The following EFL1 variants were observed in gnomAD, a reference collection of about 807,000 sequenced individuals.
EFL1 encodes elongation factor like GTPase 1, also known as elongation factor-like GTPase 1.
EFL1 carries 76 observed loss-of-function variants against 126.7 expected under a neutral mutation model. That is an observed-to-expected ratio of 0.60 (90% CI 0.50 to 0.73). The LOEUF is 0.73. Among genes scored for constraint, EFL1 ranks in the 30% least tolerant of loss-of-function variants. The probability of loss-of-function intolerance (pLI) is 0.00; values close to 1 mark genes in which losing one functional copy is unlikely to be tolerated. For missense variants in EFL1, 1,128 were observed against 1,343.2 expected, an observed-to-expected ratio of 0.84 and a Z score of 2.50; for synonymous variants, 410 against 448.4, an observed-to-expected ratio of 0.91 and a Z score of 1.08.
At chr15:82,252,135 G>A (rs1480432405) in intron 4 of EFL1, among the ~76,000 whole-genome samples, 1 of 152,030 alleles carries the variant, frequency 6.6e-6, no homozygotes, top group Non-Finnish European at 1.5e-5. Context: ...TCACTGCTTG[G>A]ATATATCAGT....
chr15:82,209,881 C>G (rs2074566247), intron 15 of EFL1, among the ~76,000 whole-genome samples: 1 of 152,184 alleles, frequency 6.6e-6, no homozygotes. Flanking sequence ...CGGACTTTGA[C>G]TGAATAATGC....
chr15:82,214,756 G>A lies in EFL1; in HGVS notation c.1711C>T (p.Leu571=). 2 of 1,600,406 alleles carry A rather than the reference G, an allele frequency of 1.2e-6. No homozygotes were observed. Among genetic ancestry groups the A allele is most frequent in the Non-Finnish European group, 8.5e-7 (1 of 1,172,372 alleles). ...ENLYLLMGRE[L]EYLEEVPPGN... The stretch of plus-strand genomic sequence containing the variant: ...GGAGGTACCTCCTCTAGATATTCCA[G>A]TTCCCTTCCCATCAGAAGATACAGG... The change falls in exon 15 of 20, where the codon CTG becomes TTG. Residue 571 remains leucine, a synonymous_variant. Transcript: ENST00000268206.
intron 17 of EFL1, among the ~76,000 whole-genome samples, chr15:82,153,626 G>C (rs2073936615): frequency 6.6e-6 from 1 of 152,034 alleles, no homozygotes; most frequent in South Asian, 2.1e-4. Flanking sequence ...TTCAAATTTA[G>C]GTCTGACTTC....
At chr15:82,211,572 ACACACACACT>A (rs2074588113) in intron 15 of EFL1, among the ~76,000 whole-genome samples, 1 of 130,880 alleles carries the variant, frequency 7.6e-6, no homozygotes, top group South Asian at 2.3e-4. Context: ...ACACACACAC[ACACACACACT>A]AGACACATAC....
At chr15:82,252,926 C>A (rs1349280358) in intron 3 of EFL1, 151 bp from the exon 4 acceptor site, 2 of 626,190 alleles carry the variant, frequency 3.2e-6, no homozygotes. Flanking sequence ...ATGTTGCCCA[C>A]ACTAGTCTTG....
chr15:82,208,660 A>G (rs1305610641), intron 15 of EFL1, among the ~76,000 whole-genome samples: 1 of 152,198 alleles, frequency 6.6e-6, no homozygotes, highest in Admixed American at 6.5e-5. Context: ...GCAGGAATTC[A>G]AGGACGCCTT....
chr15:82,227,365 T>A (rs2074774724), intron 11 of EFL1, 85 bp downstream of exon 11: 1 of 1,598,558 alleles, frequency 6.3e-7, no homozygotes, highest in Non-Finnish European at 8.5e-7. Context: ...TTTAGCAAAC[T>A]AGCGTTCAGC....
intron 15 of EFL1, among the ~76,000 whole-genome samples, chr15:82,180,357 G>T (rs2074236735): frequency 3.0e-5 from 1 of 33,298 alleles, no homozygotes; most frequent in East Asian, 8.8e-4. Context: ...CGATTAAACT[G>T]GCAAAAAAAA....
intron 16 of EFL1, among the ~76,000 whole-genome samples, chr15:82,163,513 G>A (rs901149485): frequency 1.7e-4 from 26 of 152,128 alleles, no homozygotes; most frequent in Non-Finnish European, 5.9e-5. Context: ...TCTAGCCTGC[G>A]CAACAGAGTG....
intron 2 of EFL1, 130 bp from the exon 3 acceptor site, chr15:82,259,285 A>G (rs1172696165): frequency 2.6e-6 from 2 of 764,880 alleles, no homozygotes; most frequent in African/African-American, 1.8e-5. Flanking sequence ...ATGCTAGGTG[A>G]CAAAAGAGAT....
chr15:82,130,710 A>G, intron 19 of EFL1, 149 bp from the exon 20 acceptor site: 1 of 864,998 alleles, frequency 1.2e-6, no homozygotes, highest in Non-Finnish European at 1.7e-6. Context: ...AATAAGTATG[A>G]AGAATCGGCA....
chr15:82,182,457 TCAC>T (rs1239164508), intron 15 of EFL1, among the ~76,000 whole-genome samples: 2 of 152,148 alleles, frequency 1.3e-5, no homozygotes, highest in African/African-American at 4.8e-5. Context: ...CCTTTAATGG[TCAC>T]CTATATCTGA....
chr15:82,230,035 C>A (rs1216817608), intron 8 of EFL1, among the ~76,000 whole-genome samples: 1 of 152,142 alleles, frequency 6.6e-6, no homozygotes, highest in Non-Finnish European at 1.5e-5. Flanking sequence ...TATATTCACT[C>A]CCTTTAAAAT....
rs752046952 is a variant in EFL1, at chr15:82,151,542, T to C, written c.2912A>G (p.Tyr971Cys). 2.5e-6 allele frequency: 4 copies of C among 1,614,150 alleles called. No individual in the cohort carries two copies. Among genetic ancestry groups the C allele is most frequent in the African/African-American group, 1.3e-5 (1 of 75,030 alleles). The change falls in exon 18 of 20, where the codon TAT (tyrosine) becomes TGT (cysteine). Residue 971 changes from tyrosine (Y) to cysteine (C), a missense_variant. Physicochemically the swap from Tyr to Cys is radical, Grantham distance 194. Transcript: ENST00000268206. ...LIATMKEACR[Y>C]ALQVKPQRLM... The stretch of plus-strand genomic sequence containing the variant: ...GCGCTGAGGTTTCACTTGCAGTGCA[T>C]AGCGACATGCTTCTTTCATGGTGGC...
chr15:82,226,175 T>G (rs974557494), intron 11 of EFL1, among the ~76,000 whole-genome samples: 3 of 152,130 alleles, frequency 2.0e-5, no homozygotes, highest in African/African-American at 7.2e-5. Flanking sequence ...GTTGTTTGTT[T>G]GTTTGTTTTT....
intron 6 of EFL1, among the ~76,000 whole-genome samples, chr15:82,239,428 G>A (rs543203711): frequency 4.2e-4 from 64 of 152,232 alleles, no homozygotes; most frequent in Admixed American, 1.4e-3. Context: ...AAGCCAGCTC[G>A]CCCGGCCTAC....
chr15:82,147,133 C>T (rs1567040061), intron 18 of EFL1, among the ~76,000 whole-genome samples: 1 of 152,116 alleles, frequency 6.6e-6, no homozygotes, highest in Admixed American at 6.5e-5. Context: ...TAAACACCAA[C>T]AGCTGATTCT....
chr15:82,252,304 T>C (rs1436534475), intron 4 of EFL1, among the ~76,000 whole-genome samples: 2 of 152,216 alleles, frequency 1.3e-5, no homozygotes, highest in Non-Finnish European at 2.9e-5. Context: ...GCATCCTCAT[T>C]TGAGGACAGC....
chr15:82,145,019 C>T (rs988041546), intron 18 of EFL1, among the ~76,000 whole-genome samples: 2 of 149,566 alleles, frequency 1.3e-5, no homozygotes, highest in African/African-American at 2.5e-5. Flanking sequence ...AAGGAAACAG[C>T]GAGGCCAGGC....
Sources: allele counts gnomAD v4.1 joint callset (sites outside exome capture counted in the v4.1 genomes callset), GRCh38; gene constraint gnomAD v4.1.1; transcripts MANE v1.5; gene names NCBI Gene and HGNC (gene_info 2026-07-23, HGNC 2026-07-21).